Variants in SLC26A7 observed in about 807,000 individuals in gnomAD.
SLC26A7 encodes anion exchange transporter.
SLC26A7 carries 59 observed loss-of-function variants against 82.5 expected under a neutral mutation model. The ratio of observed to expected loss-of-function variants is 0.72; its 90% confidence interval spans 0.58 to 0.89. The LOEUF (loss-of-function observed/expected upper bound fraction) is 0.89, where lower values mean the gene tolerates loss of function less well. Among genes scored for constraint, SLC26A7 ranks in the 40% least tolerant of loss-of-function variants. The pLI, the probability that SLC26A7 is intolerant of heterozygous loss-of-function variation, is 0.00. For missense variants in SLC26A7, 820 were observed against 793.0 expected, an observed-to-expected ratio of 1.03 and a Z score of -0.41; for synonymous variants, 271 against 274.3, an observed-to-expected ratio of 0.99 and a Z score of 0.12.
chr8:91,313,988 T>C (rs994861129), intron 4 of SLC26A7, among the ~76,000 whole-genome samples: 1 of 152,184 alleles, frequency 6.6e-6, no homozygotes, highest in Non-Finnish European at 1.5e-5. Flanking sequence ...GTGGAACATA[T>C]GGTGTTTATA....
At chr8:91,335,176 G>C (rs1291779062) in intron 6 of SLC26A7, among the ~76,000 whole-genome samples, 1 of 152,074 alleles carries the variant, frequency 6.6e-6, no homozygotes, top group Non-Finnish European at 1.5e-5. Flanking sequence ...ACATGTATAT[G>C]ATAAATGTTG....
intron 7 of SLC26A7, among the ~76,000 whole-genome samples, chr8:91,338,874 T>C (rs555326429): frequency 2.6e-5 from 4 of 152,186 alleles, no homozygotes; most frequent in Non-Finnish European, 5.9e-5. Context: ...CTGCATTACA[T>C]GTACACTGAT....
At chr8:91,217,743 AG>A (rs1810080061) in intron 1 of SLC26A7, among the ~76,000 whole-genome samples, 1 of 152,244 alleles carries the variant, frequency 6.6e-6, no homozygotes. Context: ...GATCCCAGAC[AG>A]GAAAAACCAA....
intron 2 of SLC26A7, among the ~76,000 whole-genome samples, chr8:91,242,976 T>C (rs1252880268): frequency 6.6e-6 from 1 of 152,202 alleles, no homozygotes; most frequent in Non-Finnish European, 1.5e-5. Flanking sequence ...CCAAATATTG[T>C]GCTTAAATTT....
In SLC26A7 at chr8:91,343,369, G is replaced by A; in HGVS notation, c.1043G>A (p.Gly348Asp). 1 of 1,609,356 alleles carries A rather than the reference G, an allele frequency of 6.2e-7. No individual in the cohort carries two copies. Reference protein sequence around the residue: ...IDDNQEFLAHGLSNIVSSFFF... With the variant: ...IDDNQEFLAHDLSNIVSSFFF... ...ATCTTGCAGGAATTTTTGGCCCATGGCCTCAGCAATATAGTTTCTTCATTT... is the reference window on the plus strand; with the variant it reads ...ATCTTGCAGGAATTTTTGGCCCATGACCTCAGCAATATAGTTTCTTCATTT... Residue 348 changes from glycine to aspartate, a missense_variant, in exon 9 of 19, where the codon GGC (glycine) becomes GAC (aspartate). Transcript: ENST00000276609.
intron 5 of SLC26A7, among the ~76,000 whole-genome samples, chr8:91,324,109 G>A (rs1812871063): frequency 1.3e-5 from 2 of 152,156 alleles, no homozygotes; most frequent in South Asian, 4.1e-4. Context: ...TTACAGGCAT[G>A]AGCCACTGCA....
intron 14 of SLC26A7, among the ~76,000 whole-genome samples, 169 bp downstream of exon 14, chr8:91,366,886 C>G (rs563381756): frequency 1.3e-5 from 2 of 152,294 alleles, no homozygotes; most frequent in African/African-American, 4.8e-5. Context: ...GGTAATCACT[C>G]TCTTGTTCAT....
At chr8:91,278,409 G>C (rs1396481460) in intron 2 of SLC26A7, among the ~76,000 whole-genome samples, 1 of 152,070 alleles carries the variant, frequency 6.6e-6, no homozygotes, top group Non-Finnish European at 1.5e-5. Flanking sequence ...ACAAATCATT[G>C]TCATATGTAG....
chr8:91,394,208 CTTT>C, intron 18 of SLC26A7, 169 bp downstream of exon 18: 1 of 1,612,990 alleles, frequency 6.2e-7, no homozygotes. Flanking sequence ...TGTTTCCATT[CTTT>C]TTTTAGGCCA....
intron 11 of SLC26A7, chr8:91,357,268 G>T (rs1292028479): frequency 6.6e-6 from 1 of 152,118 alleles, no homozygotes; most frequent in Non-Finnish European, 1.5e-5. Flanking sequence ...GAGCTCTGAG[G>T]ATAAGTTTGT....
At chr8:91,309,264 A>T (rs1812409515) in intron 4 of SLC26A7, among the ~76,000 whole-genome samples, 1 of 151,298 alleles carries the variant, frequency 6.6e-6, no homozygotes, top group African/African-American at 2.4e-5. Context: ...TAATTATATT[A>T]TGTATAATTT....
intron 2 of SLC26A7, among the ~76,000 whole-genome samples, chr8:91,224,597 C>A (rs1242452087): frequency 6.6e-6 from 1 of 152,178 alleles, no homozygotes; most frequent in Non-Finnish European, 1.5e-5. Context: ...AGGCCCCAAC[C>A]CCTGATGCCA....
chr8:91,234,791 C>CCCTACCTACCTACCTACCTA (rs68154003), intron 2 of SLC26A7, among the ~76,000 whole-genome samples: 2 of 121,464 alleles, frequency 1.6e-5, no homozygotes, highest in Non-Finnish European at 3.5e-5. Context: ...TTCCCTCCCT[C>CCCTACCTACCTACCTACCTA]CCTACCTACC....
At chr8:91,375,010 T>G (rs1031031513) in intron 15 of SLC26A7, among the ~76,000 whole-genome samples, 4 of 152,076 alleles carry the variant, frequency 2.6e-5, no homozygotes, top group Non-Finnish European at 4.4e-5. Context: ...TCTTTTTTTT[T>G]GCCATTGTTG....
rs149750152 is a variant in SLC26A7, at chr8:91,371,849, C to T, written c.1675+2016C>T. ...GGCAGGGTTTGAACTAATTTACATT[C>T]CCACCTACAGTGTGTAACCATTTCC... is the stretch of plus-strand genomic sequence containing the variant. On this transcript the variant is annotated intron_variant, in intron 15 of 18. Transcript: ENST00000276609. Among the ~76,000 whole-genome samples the T allele has an allele frequency of 3.4e-3, 519 of 152,084 alleles. 5 individuals carry two copies. The highest frequency in any genetic ancestry group is 0.012 in the African/African-American group (489 of 41,544).
At chr8:91,221,293 C>A (rs1810156849) in intron 2 of SLC26A7, among the ~76,000 whole-genome samples, 1 of 152,114 alleles carries the variant, frequency 6.6e-6, no homozygotes, top group African/African-American at 2.4e-5. Flanking sequence ...GGGTCGATTG[C>A]AAAATTTTGG....
chr8:91,277,234 C>T (rs563151937), intron 2 of SLC26A7, among the ~76,000 whole-genome samples: 123 of 152,304 alleles, frequency 8.1e-4, no homozygotes, highest in African/African-American at 2.9e-3. Context: ...TTCTTAAAAC[C>T]TGGCTCTCTT....
intron 2 of SLC26A7, among the ~76,000 whole-genome samples, chr8:91,274,230 T>G (rs1811346718): frequency 6.6e-6 from 1 of 152,234 alleles, no homozygotes; most frequent in African/African-American, 2.4e-5. Context: ...GAACATAAAC[T>G]AGGATATGAC....
In SLC26A7 at chr8:91,215,475, A is replaced by G. The variant is rs564399550; in HGVS notation, c.-149-3415A>G. On this transcript the variant is annotated intron_variant, in intron 1 of 5. Transcript: ENST00000522862. ...CCATTCAACAAACATAAAACTTAGCAAAGAGTAATATTTGAATTTAAAGTG... is the reference window on the plus strand; with the variant it reads ...CCATTCAACAAACATAAAACTTAGCGAAGAGTAATATTTGAATTTAAAGTG... Among the ~76,000 whole-genome samples the G allele has an allele frequency of 6.6e-5, 10 of 152,310 alleles. 1 individual carries two copies. The East Asian group carries it at 1.9e-3, about 29-fold the overall frequency.
Sources: gnomAD v4.1 joint callset for allele counts (sites outside exome capture counted in the v4.1 genomes callset) on GRCh38, gnomAD v4.1.1 for gene constraint, MANE v1.5 for transcripts, NCBI Gene and HGNC (gene_info 2026-07-23, HGNC 2026-07-21) for gene names.